Variants in CCSER1 observed in about 807,000 individuals in gnomAD.
CCSER1 encodes the protein coiled-coil serine rich protein 1.
A neutral mutation model predicts 82.0 loss-of-function variants in CCSER1; 41 were observed. The ratio of observed to expected loss-of-function variants is 0.50; its 90% CI spans 0.39 to 0.65. CCSER1 has a LOEUF of 0.65. Among genes scored for constraint, CCSER1 ranks in the 30% least tolerant of loss-of-function variants. The pLI is 0.00. For synonymous variants in CCSER1, 414 were observed against 383.9 expected (o/e 1.08, Z -0.92); for missense variants, 1,119 against 1,064.2 (o/e 1.05, Z -0.72).
intron 10 of CCSER1, among the ~76,000 whole-genome samples, chr4:91,257,528 T>A (rs1740791155): frequency 7.0e-6 from 1 of 143,848 alleles, no homozygotes; most frequent in Non-Finnish European, 1.5e-5. Flanking sequence ...TAGAAACATA[T>A]CCTAATGTAA....
At chr4:90,802,136 T>A (rs551911981) in intron 7 of CCSER1, among the ~76,000 whole-genome samples, 240 of 151,774 alleles carry the variant, frequency 1.6e-3, no homozygotes, top group African/African-American at 5.6e-3. Context: ...GAGAATCGCT[T>A]GAACCCGGGA....
At chr4:91,029,272 G>T (rs540615812) in intron 9 of CCSER1, among the ~76,000 whole-genome samples, 323 of 145,432 alleles carry the variant, frequency 2.2e-3, no homozygotes, top group Non-Finnish European at 3.6e-3. Context: ...TTATCGTTCG[G>T]TTTTTTTTTT....
At chr4:91,230,113 A>G (rs1738507652) in intron 10 of CCSER1, among the ~76,000 whole-genome samples, 1 of 152,168 alleles carries the variant, frequency 6.6e-6, no homozygotes, top group African/African-American at 2.4e-5. Flanking sequence ...GATGAAACAA[A>G]AGTCCTCCAA....
intron 9 of CCSER1, among the ~76,000 whole-genome samples, chr4:90,962,397 A>G (rs901411637): frequency 6.6e-6 from 1 of 152,142 alleles, no homozygotes; most frequent in African/African-American, 2.4e-5. Flanking sequence ...TATTTAATAT[A>G]CTATTTAAAC....
chr4:91,247,128 T>A (rs1739855210), intron 10 of CCSER1, among the ~76,000 whole-genome samples: 1 of 151,890 alleles, frequency 6.6e-6, no homozygotes. Flanking sequence ...GGTGAAACCC[T>A]GTCTCTATTA....
intron 10 of CCSER1, among the ~76,000 whole-genome samples, chr4:91,156,436 G>C (rs1473686609): frequency 6.6e-6 from 1 of 151,308 alleles, no homozygotes; most frequent in African/African-American, 2.4e-5. Context: ...TACTTTTTAT[G>C]TTGTCATAAA....
intron 10 of CCSER1, among the ~76,000 whole-genome samples, chr4:91,136,419 T>C (rs752608127): frequency 3.9e-5 from 6 of 152,232 alleles, no homozygotes; most frequent in Admixed American, 6.5e-5. Context: ...TTTACTTTGC[T>C]GTGTTATCAT....
At chr4:90,459,057 A>C (rs954711310) in intron 4 of CCSER1, among the ~76,000 whole-genome samples, 1 of 152,166 alleles carries the variant, frequency 6.6e-6, no homozygotes, top group Non-Finnish European at 1.5e-5. Flanking sequence ...TTATATATGC[A>C]TACATGTGTA....
At chr4:91,069,818 A>T (rs191108811) in intron 9 of CCSER1, among the ~76,000 whole-genome samples, 159 of 152,290 alleles carry the variant, frequency 1.0e-3, no homozygotes, top group African/African-American at 3.7e-3. Flanking sequence ...AGAGATCATT[A>T]AAAGAAGGGA....
chr4:90,976,067 C>A lies in CCSER1; in HGVS notation c.2172+52620C>A, dbSNP rs78493252. On this transcript the variant is annotated intron_variant, in intron 9 of 10. Coordinates refer to ENST00000509176, the MANE Select transcript of CCSER1 (RefSeq NM_001145065.2). ...ATTTTAAAAAGTCAGAGGTTTATCTCCGAAATTGGTTCAGTTTGCTCTAAT... is the reference window on the plus strand; with the variant it reads ...ATTTTAAAAAGTCAGAGGTTTATCTACGAAATTGGTTCAGTTTGCTCTAAT... 1.8e-3 allele frequency among the ~76,000 whole-genome samples: 265 copies of A among 151,232 alleles called. 6 individuals carry two copies. In the East Asian group the frequency reaches 0.039, roughly 22 times the overall value.
chr4:90,577,893 AT>A (rs1373358387), intron 5 of CCSER1, among the ~76,000 whole-genome samples: 2 of 152,094 alleles, frequency 1.3e-5, no homozygotes, highest in African/African-American at 4.8e-5. Flanking sequence ...CAGTTGCTCT[AT>A]TTAATGTTAT....
chr4:90,597,017 A>T (rs1324242188), intron 5 of CCSER1, among the ~76,000 whole-genome samples: 1 of 151,984 alleles, frequency 6.6e-6, no homozygotes, highest in Non-Finnish European at 1.5e-5. Flanking sequence ...AATTATTCTC[A>T]GTCATGATTA....
chr4:91,430,596 T>C (rs942383981), intron 10 of CCSER1, among the ~76,000 whole-genome samples: 4 of 152,236 alleles, frequency 2.6e-5, no homozygotes, highest in African/African-American at 9.6e-5. Flanking sequence ...TAGTTCTCAA[T>C]TGACTTACCT....
intron 10 of CCSER1, among the ~76,000 whole-genome samples, chr4:91,402,082 C>G (rs557581072): frequency 6.6e-6 from 1 of 152,032 alleles, no homozygotes; most frequent in Non-Finnish European, 1.5e-5. Context: ...TTTTAATGAC[C>G]GCCATTCTAA....
At chr4:90,238,365 A>G (rs559626937) in intron 1 of CCSER1, among the ~76,000 whole-genome samples, 1 of 152,296 alleles carries the variant, frequency 6.6e-6, no homozygotes, top group Admixed American at 6.5e-5. Flanking sequence ...TTAGATTACA[A>G]GAAGGTCTTA....
intron 10 of CCSER1, among the ~76,000 whole-genome samples, chr4:91,455,540 C>T (rs68145848): frequency 0.12 from 17,808 of 151,830 alleles, 1,131 homozygotes; most frequent in African/African-American, 0.14. Flanking sequence ...CATTAGACAC[C>T]GTATATACTG....
chr4:90,394,556 T>C (rs1160593312), intron 3 of CCSER1, among the ~76,000 whole-genome samples: 2 of 152,176 alleles, frequency 1.3e-5, no homozygotes, highest in African/African-American at 4.8e-5. Flanking sequence ...TTAAACAAAC[T>C]CTTCTAAAAA....
At chr4:90,766,877 G>A (rs1751320897) in intron 7 of CCSER1, among the ~76,000 whole-genome samples, 1 of 151,796 alleles carries the variant, frequency 6.6e-6, no homozygotes, top group African/African-American at 2.4e-5. Flanking sequence ...CTTAATATTT[G>A]TTCACTAGAG....
chr4:90,497,721 A>G (rs1769253557), intron 5 of CCSER1, among the ~76,000 whole-genome samples: 1 of 152,236 alleles, frequency 6.6e-6, no homozygotes, highest in Non-Finnish European at 1.5e-5. Flanking sequence ...CTAACGTTGC[A>G]TAACAAACAG....
Sources: gnomAD v4.1 joint callset for allele counts (sites outside exome capture counted in the v4.1 genomes callset) on GRCh38, gnomAD v4.1.1 for gene constraint, MANE v1.5 for transcripts, NCBI Gene and HGNC (gene_info 2026-07-23, HGNC 2026-07-21) for gene names.